Variants in DHRS7 observed in about 807,000 individuals in gnomAD.
DHRS7 encodes the protein dehydrogenase/reductase 7.
In DHRS7, 34 loss-of-function variants were observed where a neutral mutation model predicts 38.9. The observed-to-expected ratio is 0.87, with a 90% CI of 0.66 to 1.16. The LOEUF (loss-of-function observed/expected upper bound fraction) is 1.16. Among genes scored for constraint, DHRS7 ranks in the 50% most tolerant of loss-of-function variants. The pLI, the probability that DHRS7 is intolerant of heterozygous loss-of-function variation, is 0.00. For synonymous variants in DHRS7, 158 were observed against 153.1 expected, an observed-to-expected ratio of 1.03 and a Z score of -0.24; for missense variants, 421 against 407.0, an observed-to-expected ratio of 1.03 and a Z score of -0.30.
At chr14:60,157,357 G>A (rs1896679386) in intron 1 of DHRS7, among the ~76,000 whole-genome samples, 1 of 152,174 alleles carries the variant, frequency 6.6e-6, no homozygotes, top group Non-Finnish European at 1.5e-5. Flanking sequence ...GCAGTATCTA[G>A]TACATACTCA....
rs933759170 is a variant in DHRS7 at position 60,165,056 on chromosome 14, G to A, written c.133+121C>T. ...CTGCGTAAGGGGCAGCCGGGCCTTC[G>A]GGAAGCTCCACGCAACCCACAAAGG... On this transcript the variant is annotated intron_variant, in intron 1 of 6. Transcript: ENST00000557185. The surrounding 1 kb of genome is among the most constrained non-coding windows in gnomAD (Gnocchi z 4.6). The A allele has an allele frequency of 9.1e-6, 12 of 1,317,886 alleles. No individual in the cohort carries two copies. The highest frequency in any genetic ancestry group is 1.5e-5 in the African/African-American group (1 of 68,392). The allele number at this position is 1,317,886 out of a possible 1,614,324, so 81.6% of individuals were successfully genotyped here.
At chr14:60,169,157 A>AAAAAAAAAC (rs1566539386), upstream of DHRS7, 35 of 150,228 alleles carry the variant, frequency 2.3e-4, no homozygotes, top group African/African-American at 7.7e-4. Context: ...AAAAAAAAAA[A>AAAAAAAAAC]AAAACCATTG....
In DHRS7 at chr14:60,153,555, G is replaced by C. The variant is rs970641933; in HGVS notation, c.394-377C>G. On this transcript the variant is annotated intron_variant, in intron 3 of 6. Transcript: ENST00000557185. This position sits in a 1 kb window ranked among gnomAD's most constrained non-coding sequence, Gnocchi z 4.4. Reference sequence around the variant, plus strand: ...ACTAAAAAATATAAAAATTAGCTGGGCGTGATGGTGCATGCCTGTAATCCC... The same window carrying C: ...ACTAAAAAATATAAAAATTAGCTGGCCGTGATGGTGCATGCCTGTAATCCC... Among the ~76,000 whole-genome samples the C allele has an allele frequency of 6.6e-6, 1 of 152,056 alleles. No homozygotes were observed. Among genetic ancestry groups the C allele is most frequent in the African/African-American group, 2.4e-5 (1 of 41,396 alleles).
rs568729153 is a variant in DHRS7 at position 60,165,381 on chromosome 14, T to A, written c.-72A>T. On this transcript the variant is annotated 5_prime_UTR_variant, in exon 1 of 7. Coordinates refer to ENST00000557185, the MANE Select transcript of DHRS7 (RefSeq NM_016029.4). This position sits in a 1 kb window ranked among gnomAD's most constrained non-coding sequence, Gnocchi z 4.6. ...AGAGTCGCGTCGCTGCCCTGCGGGA[T>A]CGCAGCGCCACCCCTTCGGCCAGCC... The A allele has an allele frequency of 3.8e-4, 570 of 1,514,912 alleles. 1 individual carries two copies. In the African/African-American group the frequency reaches 7.0e-3, roughly 19 times the overall value. The allele number at this position is 1,514,912 out of a possible 1,614,324, so 93.8% of individuals were successfully genotyped here.
At position 60,146,441 on chromosome 14, in the gene DHRS7, A is replaced by T. The variant is rs1896408458; in HGVS notation, c.973-1428T>A. 1 of 152,190 alleles carries T rather than the reference A, an allele frequency of 6.6e-6. No individual in the cohort carries two copies. Among genetic ancestry groups the T allele is most frequent in the Admixed American group, 6.5e-5 (1 of 15,280 alleles). 9.4% of individuals were successfully genotyped at this position (152,190 alleles called of 1,614,324 possible). A position where few individuals can be genotyped will look rare whatever the true frequency, so the allele number is the denominator to read the frequency against. On this transcript the variant is annotated intron_variant, in intron 6 of 6. Coordinates refer to ENST00000557185, the MANE Select transcript of DHRS7 (RefSeq NM_016029.4). The surrounding 1 kb of genome is among the most constrained non-coding windows in gnomAD (Gnocchi z 4.9). Reference sequence around the variant, plus strand: ...CTCTGCCCTATTATTTAAATTGAGAATGTGAACCAGTACAGACATTATGGA... The same window carrying T: ...CTCTGCCCTATTATTTAAATTGAGATTGTGAACCAGTACAGACATTATGGA...
chr14:60,152,979 G>C lies in DHRS7; in HGVS notation c.593C>G (p.Pro198Arg). The C allele has an allele frequency of 6.2e-7, 1 of 1,614,136 alleles. No homozygotes were observed. Among genetic ancestry groups the C allele is most frequent in the Non-Finnish European group, 8.5e-7 (1 of 1,179,980 alleles). The change falls in exon 4 of 7, where the codon CCT (proline) becomes CGT (arginine). Residue 198 changes from proline to arginine, a missense_variant. Coordinates refer to ENST00000557185, the MANE Select transcript of DHRS7 (RefSeq NM_016029.4). ...VNSILGIISV[P>R]LSIGYCASKH... ...GCTAGCACAGTATCCAATGGAAAGA[G>C]GTACAGATATGATACCCAGGATGCT...
intron 6 of DHRS7, chr14:60,147,467 A>C (rs1173605392): frequency 1.3e-5 from 2 of 152,196 alleles, no homozygotes; most frequent in African/African-American, 4.8e-5. Context: ...AGTGTATATT[A>C]GATCATCACA....
chr14:60,151,296 G>A (rs1896539077), intron 4 of DHRS7, among the ~76,000 whole-genome samples: 1 of 152,090 alleles, frequency 6.6e-6, no homozygotes, highest in Non-Finnish European at 1.5e-5. Flanking sequence ...CTAAACCAAT[G>A]GGGAGTAAAC....
chr14:60,165,557 G>A (rs1238671079), upstream of DHRS7: 18 of 1,268,134 alleles, frequency 1.4e-5, no homozygotes, highest in Admixed American at 8.7e-5. The surrounding 1 kb of genome is among the most constrained non-coding windows in gnomAD (Gnocchi z 4.6). Context: ...CAGATTGCTT[G>A]AATTCAAGTG....
At chr14:60,168,681 C>A (rs1414653924), upstream of DHRS7, 2 of 1,545,942 alleles carry the variant, frequency 1.3e-6, no homozygotes, top group Admixed American at 4.0e-5. Context: ...TCTTTTTTCT[C>A]CCCTCTCCAG....
At chr14:60,150,265 C>A in intron 4 of DHRS7, 78 bp from the exon 5 acceptor site, 1 of 1,341,102 alleles carries the variant, frequency 7.5e-7, no homozygotes, top group Non-Finnish European at 9.9e-7. Context: ...AAAATATGTT[C>A]TAAAATGTGT....
At position 60,144,939 on chromosome 14, in the gene DHRS7, G is replaced by C. The variant is rs1372434072; in HGVS notation, c.*27C>G. The C allele has an allele frequency of 1.3e-6, 2 of 1,581,930 alleles. No individual in the cohort carries two copies. Among genetic ancestry groups the C allele is most frequent in the Admixed American group, 3.3e-5 (2 of 59,800 alleles). ...TTCATGTTTTCCATTTCTCCCTCCA[G>C]TGGCTTGAAAAGTACAGGTGCTCTT... is the stretch of plus-strand genomic sequence containing the variant. On this transcript the variant is annotated 3_prime_UTR_variant, in exon 7 of 7. Coordinates refer to ENST00000557185, the MANE Select transcript of DHRS7 (RefSeq NM_016029.4).
At position 60,162,644 on chromosome 14, in the gene DHRS7, T is replaced by C. The variant is rs1193300923; in HGVS notation, c.133+2533A>G. Reference sequence around the variant, plus strand: ...TCAAGAAGGATTTTTTTTTCTTTTTTCATCTTGATAGAGTCTGCCCATCTC... The same window carrying C: ...TCAAGAAGGATTTTTTTTTCTTTTTCCATCTTGATAGAGTCTGCCCATCTC... On this transcript the variant is annotated intron_variant, in intron 1 of 6. Coordinates refer to ENST00000557185, the MANE Select transcript of DHRS7 (RefSeq NM_016029.4). This position sits in a 1 kb window ranked among gnomAD's most constrained non-coding sequence, Gnocchi z 4.5. Among the ~76,000 whole-genome samples, 1 of 152,180 alleles carries C rather than the reference T, an allele frequency of 6.6e-6. No homozygotes were observed. The highest frequency in any genetic ancestry group is 1.5e-5 in the Non-Finnish European group (1 of 68,030).
intron 1 of DHRS7, chr14:60,159,007 T>C (rs1356769181): frequency 2.2e-5 from 9 of 412,236 alleles, no homozygotes; most frequent in South Asian, 6.0e-5. Flanking sequence ...ATCCTCCCCA[T>C]CCCTTCCTCT....
upstream of DHRS7, chr14:60,169,552 T>C (rs1011734062): frequency 5.9e-5 from 9 of 152,194 alleles, no homozygotes; most frequent in African/African-American, 1.9e-4. Flanking sequence ...TTGTCAAATA[T>C]ATACACCTGT....
upstream of DHRS7, chr14:60,165,517 G>C: frequency 7.8e-7 from 1 of 1,287,576 alleles, no homozygotes; most frequent in South Asian, 2.5e-5. The surrounding 1 kb of genome is among the most constrained non-coding windows in gnomAD (Gnocchi z 4.6). Context: ...GGCGGCCCGC[G>C]CCCTCATGCG....
intron 1 of DHRS7, among the ~76,000 whole-genome samples, chr14:60,159,671 GA>G (rs1241089984): frequency 6.6e-6 from 1 of 152,100 alleles, no homozygotes; most frequent in Non-Finnish European, 1.5e-5. Context: ...ATCATGCTGT[GA>G]AAAAGTGACC....
rs773265418 is a variant in DHRS7 at position 60,153,928 on chromosome 14, C to T, written c.393+31G>A. 1.1e-5 allele frequency: 17 copies of T among 1,589,492 alleles called. No individual in the cohort carries two copies. The Admixed American group carries it at 2.8e-4, about 27-fold the overall frequency. On this transcript the variant is annotated intron_variant, in intron 3 of 6. Transcript: ENST00000557185. The surrounding 1 kb of genome is among the most constrained non-coding windows in gnomAD (Gnocchi z 4.4). Reference sequence around the variant, plus strand: ...AATCTCTTCTGCAGTTACTTCAAAGCAAGACTATATCAATATAAGATGCTA... The same window carrying T: ...AATCTCTTCTGCAGTTACTTCAAAGTAAGACTATATCAATATAAGATGCTA...
Position 60,152,886 on chromosome 14 carries a change from C to T in DHRS7, c.633+53G>A, listed in dbSNP as rs552428278. ...ACCTCACACAGTGATGGCCATATCCCCCATATACACATTTAAGTCAGTTCT... is the reference window on the plus strand; with the variant it reads ...ACCTCACACAGTGATGGCCATATCCTCCATATACACATTTAAGTCAGTTCT... On this transcript the variant is annotated intron_variant, in intron 4 of 6. Coordinates refer to ENST00000557185, the MANE Select transcript of DHRS7 (RefSeq NM_016029.4). 2.6e-4 allele frequency: 409 copies of T among 1,602,346 alleles called. 4 individuals carry two copies. The South Asian group carries it at 3.1e-3, about 12-fold the overall frequency.
Sources: gnomAD v4.1 joint callset for allele counts (sites outside exome capture counted in the v4.1 genomes callset) on GRCh38, gnomAD v4.1.1 for gene constraint, Gnocchi (gnomAD v3.1) non-coding constraint, MANE v1.5 for transcripts, NCBI Gene and HGNC (gene_info 2026-07-23, HGNC 2026-07-21) for gene names.